The following EYS variants were observed in gnomAD, a reference collection of about 807,000 sequenced individuals.
The protein encoded by EYS is protein eyes shut homolog.
A neutral mutation model predicts 282.1 loss-of-function variants in EYS; 250 were observed. That is an observed-to-expected ratio of 0.89 (90% confidence interval 0.80 to 0.98). EYS has a LOEUF of 0.98. Ranked by LOEUF, EYS falls within the 50% of genes least tolerant of loss-of-function variation. The pLI is 0.00. For synonymous variants in EYS, 1,355 were observed against 1,282.9 expected (o/e 1.06, Z -1.20); for missense variants, 4,016 against 3,709.0 (o/e 1.08, Z -2.15).
At chr6:64,751,102 C>T (rs1772732685) in intron 22 of EYS, among the ~76,000 whole-genome samples, 1 of 152,140 alleles carries the variant, frequency 6.6e-6, no homozygotes, top group Non-Finnish European at 1.5e-5. Context: ...TTTGGTACAC[C>T]TGCCAACCTG....
chr6:65,396,526 A>T (rs1284216486), intron 7 of EYS, among the ~76,000 whole-genome samples: 1 of 151,430 alleles, frequency 6.6e-6, no homozygotes, highest in African/African-American at 2.4e-5. Flanking sequence ...ACACCCTTAA[A>T]TCACTCTTTC....
At chr6:64,632,730 C>A (rs1473986988) in intron 22 of EYS, among the ~76,000 whole-genome samples, 1 of 131,226 alleles carries the variant, frequency 7.6e-6, no homozygotes, top group Non-Finnish European at 1.7e-5. Context: ...ACAATAGGAG[C>A]ATCAGGTTGA....
intron 2 of EYS, among the ~76,000 whole-genome samples, chr6:65,556,387 T>TTGTGTGTGTGTTTGTGTG (rs1768800447): frequency 6.7e-6 from 1 of 148,820 alleles, no homozygotes; most frequent in Non-Finnish European, 1.5e-5. Context: ...ACTGCTGGGT[T>TTGTGTGTGTGTTTGTGTG]TGTGTGTGTG....
At chr6:64,227,831 T>C (rs1252477864) in intron 31 of EYS, among the ~76,000 whole-genome samples, 1 of 152,022 alleles carries the variant, frequency 6.6e-6, no homozygotes, top group Non-Finnish European at 1.5e-5. Flanking sequence ...TATCTGTAAA[T>C]CGTAAGCATT....
intron 13 of EYS, among the ~76,000 whole-genome samples, chr6:65,050,227 C>T (rs900476776): frequency 2.2e-4 from 34 of 151,666 alleles, no homozygotes; most frequent in African/African-American, 8.0e-4. Flanking sequence ...TATATGCTTG[C>T]TGCCAAAATA....
chr6:65,042,946 G>A (rs573886556), intron 13 of EYS, among the ~76,000 whole-genome samples: 2 of 151,272 alleles, frequency 1.3e-5, no homozygotes, highest in African/African-American at 2.4e-5. Context: ...CACTGGCCTC[G>A]GTTATGTCTA....
intron 2 of EYS, among the ~76,000 whole-genome samples, chr6:65,591,641 A>G (rs1765237595): frequency 6.6e-6 from 1 of 151,964 alleles, no homozygotes; most frequent in Middle Eastern, 3.4e-3. Flanking sequence ...CTTTTGTTAT[A>G]TTCACCCACA....
At chr6:65,474,984 A>G (rs545265256) in intron 5 of EYS, among the ~76,000 whole-genome samples, 38 of 152,260 alleles carry the variant, frequency 2.5e-4, no homozygotes, top group Admixed American at 9.2e-4. Context: ...TCAAAGGCAC[A>G]GAGAAAAAAT....
chr6:63,735,034 T>C (rs1768874290), intron 41 of EYS, among the ~76,000 whole-genome samples: 1 of 152,034 alleles, frequency 6.6e-6, no homozygotes, highest in Non-Finnish European at 1.5e-5. Context: ...TACAAAAGAA[T>C]TGATATTATA....
At chr6:64,458,653 A>C (rs886093810) in intron 26 of EYS, among the ~76,000 whole-genome samples, 1 of 151,556 alleles carries the variant, frequency 6.6e-6, no homozygotes, top group Non-Finnish European at 1.5e-5. Flanking sequence ...ATCTTTCAAT[A>C]GTCTTATTTG....
chr6:64,201,837 A>C (rs2150322668), intron 31 of EYS, among the ~76,000 whole-genome samples: 1 of 152,326 alleles, frequency 6.6e-6, no homozygotes, highest in South Asian at 2.1e-4. Context: ...ATGTTCACCT[A>C]GATAAATGGT....
chr6:63,843,140 T>C (rs1352025983), intron 36 of EYS, among the ~76,000 whole-genome samples: 3 of 152,214 alleles, frequency 2.0e-5, no homozygotes, highest in Admixed American at 6.5e-5. Flanking sequence ...TCTAATTCTG[T>C]GAAGAAAGTC....
intron 41 of EYS, among the ~76,000 whole-genome samples, chr6:63,731,937 T>G (rs949806857): frequency 3.9e-5 from 6 of 152,112 alleles, no homozygotes. Flanking sequence ...TTGGCTTTGC[T>G]GCTTTCCTTT....
chr6:65,652,924 C>T (rs958706), intron 1 of EYS, among the ~76,000 whole-genome samples: 86,656 of 151,672 alleles, frequency 0.57, 26,666 homozygotes, highest in East Asian at 0.78. Flanking sequence ...AGAGGTTTGG[C>T]TACACAGATG....
At chr6:64,327,639 C>A (rs1383308885) in intron 29 of EYS, among the ~76,000 whole-genome samples, 1 of 152,090 alleles carries the variant, frequency 6.6e-6, no homozygotes, top group Non-Finnish European at 1.5e-5. Context: ...TGCAGGCCTG[C>A]TTTGAGACCT....
At chr6:65,050,557 G>T (rs1773241012) in intron 13 of EYS, among the ~76,000 whole-genome samples, 1 of 147,428 alleles carries the variant, frequency 6.8e-6, no homozygotes, top group Non-Finnish European at 1.5e-5. Context: ...AATTGATCTG[G>T]ACTTGACTTT....
intron 2 of EYS, among the ~76,000 whole-genome samples, chr6:65,620,308 T>C (rs1766422373): frequency 6.6e-6 from 1 of 152,224 alleles, no homozygotes; most frequent in Admixed American, 6.5e-5. Flanking sequence ...GAGGAATTCA[T>C]CCATTTCTTC....
chr6:65,319,168 G>GC (rs1769398609), intron 11 of EYS, among the ~76,000 whole-genome samples: 12 of 129,640 alleles, frequency 9.3e-5, no homozygotes. Context: ...AGACCAAACT[G>GC]GCCAACATGG....
intron 15 of EYS, among the ~76,000 whole-genome samples, chr6:64,926,402 G>A (rs1468574210): frequency 9.9e-5 from 15 of 152,182 alleles, no homozygotes; most frequent in Non-Finnish European, 2.9e-5. Flanking sequence ...TTGATGCCCA[G>A]TTCTAGGAGA....
Sources: gnomAD v4.1 joint callset for allele counts (sites outside exome capture counted in the v4.1 genomes callset) on GRCh38, gnomAD v4.1.1 for gene constraint, MANE v1.5 for transcripts, NCBI Gene and HGNC (gene_info 2026-07-23, HGNC 2026-07-21) for gene names.